The following GYS1 variants were observed in gnomAD, a reference collection of about 807,000 sequenced individuals.
The protein encoded by GYS1 is glycogen synthase 1, also known as glycogen [starch] synthase, muscle.
A neutral mutation model predicts 89.1 loss-of-function variants in GYS1; 60 were observed. That is an observed-to-expected ratio of 0.67 (90% CI 0.55 to 0.84). The LOEUF is 0.84. Ranked by LOEUF, GYS1 falls within the 40% of genes least tolerant of loss-of-function variation. GYS1 has a pLI of 0.00. For missense variants in GYS1, 888 were observed against 1,003.1 expected (o/e 0.89, Z 1.55); for synonymous variants, 366 against 401.7 (o/e 0.91, Z 1.06).
chr19:48,990,010 G>GGC (rs1555800163), intron 2 of GYS1, among the ~76,000 whole-genome samples: 1 of 150,474 alleles, frequency 6.6e-6, no homozygotes, highest in African/African-American at 2.5e-5. Context: ...GGGGGGGGGG[G>GGC]GGGCTATTCT....
chr19:48,985,200 C>T (rs1318584286), intron 5 of GYS1, among the ~76,000 whole-genome samples: 6 of 152,146 alleles, frequency 3.9e-5, no homozygotes, highest in East Asian at 3.9e-4. Context: ...TACAGGCACA[C>T]ACCATGTCTG....
At chr19:48,988,422 C>G (rs192644979) in intron 2 of GYS1, among the ~76,000 whole-genome samples, 3 of 152,106 alleles carry the variant, frequency 2.0e-5, no homozygotes, top group Admixed American at 2.0e-4. Flanking sequence ...TAGCCTCAAC[C>G]TCCCTGGCTC....
At chr19:48,988,092 G>A (rs933987713) in intron 2 of GYS1, among the ~76,000 whole-genome samples, 5 of 152,028 alleles carry the variant, frequency 3.3e-5, no homozygotes, top group South Asian at 2.1e-4. Flanking sequence ...GTGAGCCACC[G>A]CACCCAGCCT....
intron 8 of GYS1, among the ~76,000 whole-genome samples, chr19:48,981,104 C>G (rs1325444904): frequency 7.2e-6 from 1 of 139,334 alleles, no homozygotes; most frequent in Non-Finnish European, 1.5e-5. Flanking sequence ...CAGAGCAAAA[C>G]TCCATCTCAA....
chr19:48,969,152 G>T lies in GYS1; in HGVS notation c.*136C>A. On this transcript the variant is annotated 3_prime_UTR_variant, in exon 16 of 16. Coordinates refer to ENST00000323798, the MANE Select transcript of GYS1 (RefSeq NM_002103.5). The stretch of plus-strand genomic sequence containing the variant: ...AAACTGGAGCTGGAGGGGGTGGAGT[G>T]TTTGGCGGACTGGGTGGGGGCACTG... The T allele has an allele frequency of 1.3e-6, 1 of 742,492 alleles. No homozygotes were observed. The highest frequency in any genetic ancestry group is 2.2e-6 in the Non-Finnish European group (1 of 458,300). The allele number at this position is 742,492 out of a possible 1,614,324, so 46.0% of individuals were successfully genotyped here.
chr19:48,992,407 G>A (rs1227707357), intron 1 of GYS1, among the ~76,000 whole-genome samples: 6 of 152,014 alleles, frequency 3.9e-5, no homozygotes, highest in African/African-American at 1.2e-4. Flanking sequence ...ATTCCAGTAC[G>A]CATGTGTCCC....
rs371156570 is a variant in GYS1, at chr19:48,977,916, A to G, written c.1308+8T>C. 31 of 1,608,960 alleles carry G rather than the reference A, an allele frequency of 1.9e-5. No homozygotes were observed. The African/African-American group carries it at 2.0e-4, about 10-fold the overall frequency. ...TGCTATCTCTCTGCACAGAGGTCCA[A>G]TCCATACCTGCGTTGCAAAGATGGC... On this transcript the variant is annotated splice_region_variant and intron_variant, in intron 10 of 15. Transcript: ENST00000323798.
intron 12 of GYS1, among the ~76,000 whole-genome samples, chr19:48,971,449 T>C (rs984255440): frequency 3.3e-5 from 5 of 152,168 alleles, no homozygotes; most frequent in Admixed American, 6.6e-5. Context: ...TCTCTCATTA[T>C]TAGTATCCCT....
chr19:48,972,029 T>A (rs2038572696), intron 12 of GYS1, among the ~76,000 whole-genome samples: 2 of 147,246 alleles, frequency 1.4e-5, no homozygotes, highest in African/African-American at 2.5e-5. Context: ...GCATGGCTAA[T>A]TAAAAATAAA....
At position 48,970,928 on chromosome 19, in the gene GYS1, C is replaced by T. The variant is rs764351612; in HGVS notation, c.1645G>A (p.Gly549Ser). The T allele has an allele frequency of 1.9e-6, 3 of 1,610,688 alleles. No homozygotes were observed. Among genetic ancestry groups the T allele is most frequent in the African/African-American group, 2.7e-5 (2 of 74,830 alleles). ...EEHIADPSAY[G>S]IYILDRRFRS... The stretch of plus-strand genomic sequence containing the variant: ...AATCCTCAGGGGCCTGGGCGCTGAC[C>T]GTAAGCTGAGGGGTCTGCGATGTGT... The change falls in exon 13 of 16, where the codon GGT becomes AGT. Residue 549 changes from glycine to serine, a missense_variant and splice_region_variant. Coordinates refer to ENST00000323798, the MANE Select transcript of GYS1 (RefSeq NM_002103.5).
Position 48,968,694 on chromosome 19 carries a change from A to C in GYS1, c.*594T>G, listed in dbSNP as rs2038498953. 1 of 454,014 alleles carries C rather than the reference A, an allele frequency of 2.2e-6. No individual in the cohort carries two copies. Among genetic ancestry groups the C allele is most frequent in the African/African-American group, 2.0e-5 (1 of 50,018 alleles). The allele number at this position is 454,014 out of a possible 1,614,324, so 28.1% of individuals were successfully genotyped here. ...CAGGAGCCGGATGGAGGGATCCTCC[A>C]GGCAGAGCCTGGCTCTGACATGCCA... On this transcript the variant is annotated 3_prime_UTR_variant, in exon 16 of 16. Transcript: ENST00000323798.
chr19:48,982,636 C>A, intron 6 of GYS1, 84 bp downstream of exon 6: 3 of 1,049,582 alleles, frequency 2.9e-6, no homozygotes, highest in Non-Finnish European at 4.5e-6. Flanking sequence ...GAGTCTGGGC[C>A]CCCAGCTGCC....
In GYS1 at chr19:48,991,584, A is replaced by T; in HGVS notation, c.119-101T>A. On this transcript the variant is annotated intron_variant, in intron 1 of 15. Transcript: ENST00000323798. This position sits in a 1 kb window ranked among gnomAD's most constrained non-coding sequence, Gnocchi z 4.7. ...GATGTAGGGGGCACTCAGGCCCCAG[A>T]CCTCTAGCTCAGGGGGAAGAGGGGA... is the stretch of plus-strand genomic sequence containing the variant. The T allele has an allele frequency of 1.6e-6, 2 of 1,279,674 alleles. No homozygotes were observed. Among genetic ancestry groups the T allele is most frequent in the South Asian group, 2.4e-5 (2 of 82,902 alleles). The allele number at this position is 1,279,674 out of a possible 1,614,324, so 79.3% of individuals were successfully genotyped here. A position where few individuals can be genotyped will look rare whatever the true frequency, so the allele number is the denominator to read the frequency against.
chr19:48,972,406 T>G (rs1435510519), intron 12 of GYS1, among the ~76,000 whole-genome samples: 1 of 151,868 alleles, frequency 6.6e-6, no homozygotes, highest in Non-Finnish European at 1.5e-5. Flanking sequence ...ACTCCTGAGC[T>G]CAAGCTATCC....
intron 5 of GYS1, among the ~76,000 whole-genome samples, chr19:48,983,659 CCTT>C (rs1408983209): frequency 1.3e-5 from 2 of 152,154 alleles, no homozygotes; most frequent in African/African-American, 2.4e-5. Context: ...CAGTCAAAGG[CCTT>C]CTGGGAGTTG....
Position 48,985,894 on chromosome 19 carries a change from A to G in GYS1, c.634T>C (p.Tyr212His), listed in dbSNP as rs774817220. 3.7e-6 allele frequency: 6 copies of G among 1,613,978 alleles called. No individual in the cohort carries two copies. The East Asian group carries it at 1.3e-4, about 36-fold the overall frequency. The change falls in exon 4 of 16, where the codon TAC (tyrosine) becomes CAC (histidine). Residue 212 changes from tyrosine to histidine, a missense_variant. Transcript: ENST00000323798. Reference sequence around the variant, plus strand: ...AAGTCCACGGCACCGGCACACAGGTAGCGCCCCAGCAGCGTGGCATGGGTG... The same window carrying G: ...AAGTCCACGGCACCGGCACACAGGTGGCGCCCCAGCAGCGTGGCATGGGTG... ...FTTHATLLGRYLCAGAVDFYN... is the reference protein window; with the variant it reads ...FTTHATLLGRHLCAGAVDFYN...
chr19:48,977,949 A>C lies in GYS1; in HGVS notation c.1283T>G (p.Met428Arg). Residue 428 changes from methionine (M) to arginine (R), a missense_variant, in exon 10 of 16, where the codon ATG (methionine) becomes AGG (arginine). Met to Arg is a moderately conservative substitution (Grantham distance 91). Coordinates refer to ENST00000323798, the MANE Select transcript of GYS1 (RefSeq NM_002103.5). ...KMLDKEDFTM[M>R]KRAIFATQRQ... ...CTGCGTTGCAAAGATGGCTCTCTTC[A>C]TCATAGTGAAGTCTTCCTTATCCAG... The C allele has an allele frequency of 6.2e-7, 1 of 1,613,936 alleles. No individual in the cohort carries two copies. Among genetic ancestry groups the C allele is most frequent in the Non-Finnish European group, 8.5e-7 (1 of 1,179,884 alleles).
chr19:48,974,772 G>A lies in GYS1; in HGVS notation c.1309-39C>T, dbSNP rs761667733. On this transcript the variant is annotated intron_variant, in intron 10 of 15. Transcript: ENST00000323798. ...AAGAAGGGTAAGGGGTCATGGAAGGGACAGAGAACTCCCTACTTCCTCATG... is the reference window on the plus strand; with the variant it reads ...AAGAAGGGTAAGGGGTCATGGAAGGAACAGAGAACTCCCTACTTCCTCATG... The A allele has an allele frequency of 5.1e-6, 7 of 1,370,120 alleles. No homozygotes were observed. In the South Asian group the frequency reaches 5.8e-5, roughly 11 times the overall value. 84.9% of individuals were successfully genotyped at this position (1,370,120 alleles called of 1,614,324 possible). A position where few individuals can be genotyped will look rare whatever the true frequency, so the allele number is the denominator to read the frequency against.
chr19:48,975,933 A>AAAG (rs1255632773), intron 10 of GYS1, among the ~76,000 whole-genome samples: 88 of 150,456 alleles, frequency 5.8e-4, no homozygotes, highest in Non-Finnish European at 9.9e-4. Flanking sequence ...AAAAAAAAAA[A>AAAG]AAGAAGAAAA....
Sources: gnomAD v4.1 joint callset for allele counts (sites outside exome capture counted in the v4.1 genomes callset) on GRCh38, gnomAD v4.1.1 for gene constraint, Gnocchi (gnomAD v3.1) non-coding constraint, MANE v1.5 for transcripts, NCBI Gene and HGNC (gene_info 2026-07-23, HGNC 2026-07-21) for gene names.